Variants in ADCY10 observed in about 807,000 individuals in gnomAD.
ADCY10 encodes the protein adenylate cyclase type 10.
A neutral mutation model predicts 183.3 loss-of-function variants in ADCY10; 156 were observed. The ratio of observed to expected loss-of-function variants is 0.85; its 90% CI spans 0.75 to 0.97. The LOEUF (loss-of-function observed/expected upper bound fraction) is 0.97, where lower values mean the gene tolerates loss of function less well. Among genes scored for constraint, ADCY10 ranks in the 50% least tolerant of loss-of-function variants. ADCY10 has a pLI of 0.00. For missense variants in ADCY10, 1,745 were observed against 1,934.3 expected (o/e 0.90, Z 1.84); for synonymous variants, 645 against 670.0 (o/e 0.96, Z 0.58).
chr1:167,816,748 C>G (rs890651403), intron 31 of ADCY10, among the ~76,000 whole-genome samples: 1 of 151,700 alleles, frequency 6.6e-6, no homozygotes, highest in African/African-American at 2.4e-5. Flanking sequence ...AAAATAAAGA[C>G]TTCTCAAACT....
chr1:167,865,828 C>A (rs1161010985), intron 14 of ADCY10, among the ~76,000 whole-genome samples: 3 of 152,202 alleles, frequency 2.0e-5, no homozygotes, highest in Admixed American at 2.0e-4. Flanking sequence ...CCCTCATTGT[C>A]CCCCTTCCAC....
chr1:167,846,219 T>G lies in ADCY10; in HGVS notation c.2482A>C (p.Met828Leu). 6.2e-7 allele frequency: 1 copy of G among 1,614,130 alleles called. No individual in the cohort carries two copies. Among genetic ancestry groups the G allele is most frequent in the Non-Finnish European group, 8.5e-7 (1 of 1,180,034 alleles). ...ATGATGGCAGCACATCTCACCAGCA[T>G]TTGGTGGGAAAGTCTCATGCTATCC... is the stretch of plus-strand genomic sequence containing the variant. ...QLDSMRLSHQ[M>L]LVRCAAIIGL... The change falls in exon 20 of 33, where the codon ATG becomes CTG. Residue 828 changes from methionine (M) to leucine (L), a missense_variant. Met to Leu is a conservative substitution (Grantham distance 15). Transcript: ENST00000367851.
intron 21 of ADCY10, among the ~76,000 whole-genome samples, chr1:167,842,121 T>C (rs1166777693): frequency 6.6e-6 from 1 of 152,162 alleles, no homozygotes; most frequent in East Asian, 1.9e-4. Context: ...TTCCTCCCTA[T>C]CTGATTCACA....
intron 25 of ADCY10, among the ~76,000 whole-genome samples, chr1:167,831,074 C>T (rs1663691197): frequency 6.6e-6 from 1 of 152,192 alleles, no homozygotes; most frequent in African/African-American, 2.4e-5. Flanking sequence ...GTCGTTAGGA[C>T]TTACTGAGGC....
At chr1:167,904,956 C>T in intron 2 of ADCY10, 37 bp downstream of exon 2, 3 of 1,614,068 alleles carry the variant, frequency 1.9e-6, no homozygotes, top group East Asian at 2.2e-5. Context: ...GAGCCTGTTG[C>T]TCATCCACAT....
chr1:167,837,007 A>G, intron 22 of ADCY10: 1 of 477,418 alleles, frequency 2.1e-6, no homozygotes, highest in Non-Finnish European at 3.8e-6. Flanking sequence ...CCTGGGTGAC[A>G]GAGCGAGACT....
At position 167,818,266 on chromosome 1, in the gene ADCY10, A is replaced by T; in HGVS notation, c.4288T>A (p.Tyr1430Asn). ...LGLYSSVAIW[Y>N]ARLQEWDNFY... is the part of the protein sequence containing the mutation. ...TTGTCCCATTCCTGAAGTCTGGCATACCTGCATTACCACAAGAGAATAAGA... is the reference window on the plus strand; with the variant it reads ...TTGTCCCATTCCTGAAGTCTGGCATTCCTGCATTACCACAAGAGAATAAGA... Residue 1430 changes from tyrosine to asparagine, a missense_variant and splice_region_variant, in exon 31 of 33, where the codon TAT becomes AAT. Tyr to Asn is a moderately radical substitution (Grantham distance 143, BLOSUM62 -2). Coordinates refer to ENST00000367851, the MANE Select transcript of ADCY10 (RefSeq NM_018417.6). 1 of 1,613,524 alleles carries T rather than the reference A, an allele frequency of 6.2e-7. No homozygotes were observed. The highest frequency in any genetic ancestry group is 1.1e-5 in the South Asian group (1 of 91,070).
At chr1:167,898,519 A>T (rs906479362) in intron 6 of ADCY10, among the ~76,000 whole-genome samples, 18 of 151,944 alleles carry the variant, frequency 1.2e-4, no homozygotes, top group African/African-American at 4.1e-4. Context: ...GAATTGCTTG[A>T]ACCCGGGAGG....
chr1:167,910,068 T>C (rs1405942169), intron 1 of ADCY10, among the ~76,000 whole-genome samples: 1 of 152,162 alleles, frequency 6.6e-6, no homozygotes, highest in Non-Finnish European at 1.5e-5. Context: ...CAGGAACTGT[T>C]TCTTTGGGGA....
chr1:167,867,880 T>C (rs989483659), intron 14 of ADCY10, among the ~76,000 whole-genome samples: 2 of 152,058 alleles, frequency 1.3e-5, no homozygotes, highest in Non-Finnish European at 2.9e-5. Flanking sequence ...CTAGGCTACT[T>C]AGAAAAAGGA....
chr1:167,882,500 A>G (rs977609695), intron 9 of ADCY10, among the ~76,000 whole-genome samples: 7 of 151,810 alleles, frequency 4.6e-5, no homozygotes, highest in Admixed American at 4.6e-4. Context: ...AAAAAAAAAA[A>G]AAAAGAACAG....
At chr1:167,849,173 T>C (rs1053069478) in intron 18 of ADCY10, among the ~76,000 whole-genome samples, 21 of 152,250 alleles carry the variant, frequency 1.4e-4, no homozygotes, top group Non-Finnish European at 1.8e-4. Flanking sequence ...TATATATACA[T>C]AAACATATAT....
At chr1:167,829,493 G>A in intron 25 of ADCY10, 70 bp from the exon 26 acceptor site, 3 of 1,577,508 alleles carry the variant, frequency 1.9e-6, no homozygotes, top group Non-Finnish European at 2.6e-6. Flanking sequence ...GGGAGCACAG[G>A]TACATGGTGT....
intron 5 of ADCY10, 95 bp from the exon 6 acceptor site, chr1:167,899,723 A>G (rs1323745885): frequency 1.7e-6 from 2 of 1,187,826 alleles, no homozygotes; most frequent in Non-Finnish European, 2.4e-6. Flanking sequence ...TGGTGGGACT[A>G]TACTATCTCA....
chr1:167,836,168 G>A (rs1168104400), intron 23 of ADCY10, 141 bp downstream of exon 23: 4 of 707,328 alleles, frequency 5.7e-6, no homozygotes, highest in Non-Finnish European at 1.0e-5. Flanking sequence ...TCCCTTCTAA[G>A]CAATGTGATT....
intron 18 of ADCY10, among the ~76,000 whole-genome samples, chr1:167,850,125 C>T (rs1463775038): frequency 3.3e-5 from 5 of 151,922 alleles, no homozygotes; most frequent in Admixed American, 6.6e-5. Flanking sequence ...ATGGAAAAGG[C>T]GAGAGACTAG....
intron 14 of ADCY10, among the ~76,000 whole-genome samples, chr1:167,862,348 G>A (rs1416284275): frequency 1.3e-5 from 2 of 152,172 alleles, no homozygotes; most frequent in Non-Finnish European, 2.9e-5. Context: ...TTATAAAAAG[G>A]AGAAATTTGG....
chr1:167,874,996 A>T, intron 13 of ADCY10, 135 bp downstream of exon 13: 1 of 831,906 alleles, frequency 1.2e-6, no homozygotes, highest in Middle Eastern at 2.5e-4. Flanking sequence ...CTATTTTTCT[A>T]TTTCTTAACC....
chr1:167,819,868 T>G, intron 30 of ADCY10: 1 of 808,256 alleles, frequency 1.2e-6, no homozygotes, highest in Non-Finnish European at 2.1e-6. Context: ...CCCGGCATGA[T>G]TTTCTAATAG....
Sources: allele counts gnomAD v4.1 joint callset (sites outside exome capture counted in the v4.1 genomes callset), GRCh38; gene constraint gnomAD v4.1.1; transcripts MANE v1.5; gene names NCBI Gene and HGNC (gene_info 2026-07-23, HGNC 2026-07-21).